The following LGR6 variants were observed in gnomAD, a reference collection of about 807,000 sequenced individuals.
LGR6 encodes the protein leucine-rich repeat-containing G protein-coupled receptor 6.
LGR6 carries 45 observed loss-of-function variants against 69.4 expected under a neutral mutation model. That is an observed-to-expected ratio of 0.65 (90% CI 0.51 to 0.83). The LOEUF is 0.83. Among genes scored for constraint, LGR6 ranks in the 40% least tolerant of loss-of-function variants. LGR6 has a pLI of 0.00. For missense variants in LGR6, 1,108 were observed against 1,246.7 expected (o/e 0.89, Z 1.68); for synonymous variants, 538 against 555.0 (o/e 0.97, Z 0.43).
intron 7 of LGR6, 62 bp downstream of exon 7, chr1:202,297,638 G>A (rs1571989617): frequency 1.5e-6 from 2 of 1,335,028 alleles, no homozygotes; most frequent in East Asian, 4.6e-5. Flanking sequence ...GCTGAAGCCA[G>A]CCTGAGCTGC....
intron 3 of LGR6, among the ~76,000 whole-genome samples, 171 bp downstream of exon 3, chr1:202,228,178 C>A (rs1363902861): frequency 6.6e-6 from 1 of 152,196 alleles, no homozygotes; most frequent in African/African-American, 2.4e-5. Context: ...TTGTCTGTAA[C>A]AAACTTTATG....
At chr1:202,294,535 T>A (rs1667008492) in intron 6 of LGR6, among the ~76,000 whole-genome samples, 1 of 152,216 alleles carries the variant, frequency 6.6e-6, no homozygotes, top group African/African-American at 2.4e-5. Flanking sequence ...GCCACTCATA[T>A]GTCTGGGCCC....
intron 17 of LGR6, among the ~76,000 whole-genome samples, chr1:202,317,710 C>T (rs1421070024): frequency 2.0e-5 from 3 of 152,148 alleles, no homozygotes; most frequent in East Asian, 3.9e-4. Context: ...TGCAGCTCTT[C>T]GGAAGAAGAG....
intron 4 of LGR6, among the ~76,000 whole-genome samples, chr1:202,250,474 T>G (rs1311921951): frequency 6.6e-6 from 1 of 152,004 alleles, no homozygotes; most frequent in East Asian, 1.9e-4. Context: ...GGTGCAGTCT[T>G]GGCTCACCGC....
intron 11 of LGR6, 31 bp downstream of exon 11, chr1:202,304,661 G>A: frequency 6.4e-7 from 1 of 1,565,352 alleles, no homozygotes; most frequent in South Asian, 1.1e-5. Context: ...TACAGTCTTG[G>A]CATTGTGCCC....
At chr1:202,230,493 G>C (rs577165100) in intron 3 of LGR6, among the ~76,000 whole-genome samples, 21 of 152,308 alleles carry the variant, frequency 1.4e-4, no homozygotes, top group Admixed American at 1.2e-3. Flanking sequence ...CACTGGAGCT[G>C]TGCTAAGGGA....
rs551062154 is a variant in LGR6, at chr1:202,282,385, C to A, written c.716+1533C>A. Among the ~76,000 whole-genome samples the A allele has an allele frequency of 2.4e-4, 37 of 152,228 alleles. No homozygotes were observed. The East Asian group carries it at 5.8e-3, about 24-fold the overall frequency. Reference sequence around the variant, plus strand: ...TAGGGTGCATTAATGAGAAAACATACATGAAAGTCCCTGGGGGAGAGCCTG... The same window carrying A: ...TAGGGTGCATTAATGAGAAAACATAAATGAAAGTCCCTGGGGGAGAGCCTG... On this transcript the variant is annotated intron_variant, in intron 6 of 17. Transcript: ENST00000367278.
chr1:202,259,311 C>A (rs766777713), intron 4 of LGR6, among the ~76,000 whole-genome samples: 67 of 151,976 alleles, frequency 4.4e-4, no homozygotes, highest in Admixed American at 2.6e-3. Flanking sequence ...TTTTTCTATC[C>A]CTGGAACAAT....
At chr1:202,236,025 C>A (rs371700029) in intron 4 of LGR6, 32 bp downstream of exon 4, 680 of 1,594,614 alleles carry the variant, frequency 4.3e-4, no homozygotes, top group Non-Finnish European at 5.6e-4. Context: ...CTGGGAGTCA[C>A]CAGCTTCCTG....
rs575218497 is a variant in LGR6, at chr1:202,219,881, T to A, written c.213-5542T>A. On this transcript the variant is annotated intron_variant, in intron 1 of 17. Transcript: ENST00000367278. Reference sequence around the variant, plus strand: ...CTGGGTTTTATTTATTTATTTATTTTATTTATTTTTTTTGAGACAGTTTCA... The same window carrying A: ...CTGGGTTTTATTTATTTATTTATTTAATTTATTTTTTTTGAGACAGTTTCA... Among the ~76,000 whole-genome samples the A allele has an allele frequency of 1.9e-3, 282 of 152,308 alleles. 1 individual carries two copies. Among genetic ancestry groups the A allele is most frequent in the African/African-American group, 6.1e-3 (255 of 41,560 alleles).
chr1:202,305,823 G>A (rs1653130898), intron 12 of LGR6, 74 bp downstream of exon 12: 1 of 1,171,762 alleles, frequency 8.5e-7, no homozygotes, highest in Admixed American at 1.7e-5. Flanking sequence ...AGGTGTGATG[G>A]GGGGCATCAG....
At chr1:202,221,614 C>T (rs2993433) in intron 1 of LGR6, among the ~76,000 whole-genome samples, 60,923 of 151,974 alleles carry the variant, frequency 0.4, 13,393 homozygotes, top group East Asian at 0.71. Context: ...GAGTTACAAC[C>T]CATCATCTCA....
chr1:202,280,304 C>CT (rs1447421978), intron 5 of LGR6, among the ~76,000 whole-genome samples: 1 of 152,276 alleles, frequency 6.6e-6, no homozygotes, highest in African/African-American at 2.4e-5. Context: ...TGCCTGTTCT[C>CT]TGAGTGTGTC....
chr1:202,294,831 A>G (rs1667033130), intron 6 of LGR6, among the ~76,000 whole-genome samples: 1 of 152,186 alleles, frequency 6.6e-6, no homozygotes, highest in Non-Finnish European at 1.5e-5. Context: ...GGATAAGGGA[A>G]TAGCAAATGA....
chr1:202,319,316 A>G lies in LGR6; in HGVS notation c.*109A>G. 1.6e-6 allele frequency: 2 copies of G among 1,242,658 alleles called. No homozygotes were observed. The highest frequency in any genetic ancestry group is 2.2e-6 in the Non-Finnish European group (2 of 917,218). The allele number at this position is 1,242,658 out of a possible 1,614,324, so 77.0% of individuals were successfully genotyped here. A position where few individuals can be genotyped will look rare whatever the true frequency, so the allele number is the denominator to read the frequency against. ...CAACCAAAACTCAGCAGTGTGATCT[A>G]TAGCAGGATGGCCCAGTCCCTGGCT... On this transcript the variant is annotated 3_prime_UTR_variant, in exon 18 of 18. Coordinates refer to ENST00000367278, the MANE Select transcript of LGR6 (RefSeq NM_001017403.2).
At chr1:202,253,700 C>G (rs1663489522) in intron 4 of LGR6, among the ~76,000 whole-genome samples, 1 of 141,016 alleles carries the variant, frequency 7.1e-6, no homozygotes, top group Non-Finnish European at 1.5e-5. Flanking sequence ...CCAATCTCAG[C>G]TCACTGCAAC....
chr1:202,317,961 A>G lies in LGR6; in HGVS notation c.1658A>G (p.Lys553Arg). 1.2e-6 allele frequency: 2 copies of G among 1,609,790 alleles called. No homozygotes were observed. The highest frequency in any genetic ancestry group is 1.7e-6 in the Non-Finnish European group (2 of 1,177,630). Residue 553 changes from lysine (K) to arginine (R), a missense_variant, in exon 18 of 18, where the codon AAG becomes AGG. Physicochemically the swap from Lys to Arg is conservative, Grantham distance 26 (BLOSUM62 2). Coordinates refer to ENST00000367278, the MANE Select transcript of LGR6 (RefSeq NM_001017403.2). The stretch of plus-strand genomic sequence containing the variant: ...CTGATCTCTCCTACAGGCCCCTTCA[A>G]GCCCTGTGAGTACCTCTTTGAAAGC... ...VQCSPTPGPF[K>R]PCEYLFESWG...
intron 4 of LGR6, 29 bp downstream of exon 4, chr1:202,236,022 T>A (rs759634494): frequency 2.5e-6 from 4 of 1,595,750 alleles, no homozygotes; most frequent in Admixed American, 3.3e-5. Flanking sequence ...GGTCTGGGAG[T>A]CACCAGCTTC....
chr1:202,262,412 T>G (rs558120774), intron 4 of LGR6, among the ~76,000 whole-genome samples: 6 of 152,246 alleles, frequency 3.9e-5, no homozygotes, highest in Non-Finnish European at 8.8e-5. Context: ...TATGTGGCAT[T>G]ATTTCTGAGG....
Sources: gnomAD v4.1 joint callset for allele counts (sites outside exome capture counted in the v4.1 genomes callset) on GRCh38, gnomAD v4.1.1 for gene constraint, MANE v1.5 for transcripts, NCBI Gene and HGNC (gene_info 2026-07-23, HGNC 2026-07-21) for gene names.